The following MAML2 variants were observed in gnomAD, a reference collection of about 807,000 sequenced individuals.
MAML2 encodes mastermind like transcriptional coactivator 2, also known as mastermind-like protein 2.
A neutral mutation model predicts 96.1 loss-of-function variants in MAML2; 22 were observed. That is an observed-to-expected ratio of 0.23 (90% CI 0.16 to 0.33). MAML2 has a LOEUF of 0.33. MAML2 is among the 10% of genes least tolerant of loss of function. MAML2 has a pLI of 1.00. For missense variants in MAML2, 1,367 were observed against 1,392.4 expected (o/e 0.98, Z 0.29); for synonymous variants, 561 against 521.3 (o/e 1.08, Z -1.04).
chr11:96,093,253 T>A lies in MAML2; in HGVS notation c.778A>T (p.Met260Leu), dbSNP rs373471964. 1 of 1,614,030 alleles carries A rather than the reference T, an allele frequency of 6.2e-7. No individual in the cohort carries two copies. The highest frequency in any genetic ancestry group is 2.2e-5 in the East Asian group (1 of 44,880). The change falls in exon 2 of 5, where the codon ATG becomes TTG. Residue 260 changes from methionine to leucine, a missense_variant. Physicochemically the swap from Met to Leu is conservative, Grantham distance 15 (BLOSUM62 2). Transcript: ENST00000524717. ...TCCTTCTTTACCTCCTTTAAGCCCATGTTAAACAGGCCATTGCCAGGAGAA... is the reference window on the plus strand; with the variant it reads ...TCCTTCTTTACCTCCTTTAAGCCCAAGTTAAACAGGCCATTGCCAGGAGAA... Reference protein sequence around the residue: ...THSPGNGLFNMGLKEVKKEPG... With the variant: ...THSPGNGLFNLGLKEVKKEPG...
At chr11:96,281,514 C>A (rs1342143703) in intron 1 of MAML2, among the ~76,000 whole-genome samples, 2 of 151,984 alleles carry the variant, frequency 1.3e-5, no homozygotes, top group Non-Finnish European at 2.9e-5. Flanking sequence ...TAGTGGGAGG[C>A]ACTGGTTGAG....
chr11:96,264,847 G>A (rs1306373947), intron 1 of MAML2, among the ~76,000 whole-genome samples: 7 of 152,030 alleles, frequency 4.6e-5, no homozygotes, highest in African/African-American at 1.7e-4. Context: ...ATCTTATTTC[G>A]GCATAGGGTA....
Position 96,319,209 on chromosome 11 carries a change from A to C in MAML2, c.513+22174T>G, listed in dbSNP as rs185147001. Among the ~76,000 whole-genome samples, 391 of 152,296 alleles carry C rather than the reference A, an allele frequency of 2.6e-3. 2 individuals carry two copies. The highest frequency in any genetic ancestry group is 4.4e-3 in the Non-Finnish European group (296 of 68,012). ...CAGTGAGGAATTGAGATTTTCTCCC[A>C]ACAGCCATGGGAGTGAACTTGGAAG... is the stretch of plus-strand genomic sequence containing the variant. On this transcript the variant is annotated intron_variant, in intron 1 of 4. Coordinates refer to ENST00000524717, the MANE Select transcript of MAML2 (RefSeq NM_032427.4).
intron 2 of MAML2, among the ~76,000 whole-genome samples, chr11:96,068,796 C>A (rs1859289853): frequency 6.7e-6 from 1 of 149,054 alleles, no homozygotes; most frequent in African/African-American, 2.5e-5. Context: ...CGCCATTGCA[C>A]TCCAGCCTGG....
At chr11:96,200,479 C>T (rs935992987) in intron 1 of MAML2, among the ~76,000 whole-genome samples, 2 of 152,154 alleles carry the variant, frequency 1.3e-5, no homozygotes, top group African/African-American at 4.8e-5. Context: ...CTCCTGGGAC[C>T]TATCCTGTGC....
At chr11:95,994,838 T>G (rs1483978248) in intron 2 of MAML2, among the ~76,000 whole-genome samples, 2 of 152,226 alleles carry the variant, frequency 1.3e-5, no homozygotes, top group Non-Finnish European at 2.9e-5. Flanking sequence ...TTTCTTTTCA[T>G]CTTCTTTGCA....
In MAML2 at chr11:95,985,538, C is replaced by A; in HGVS notation, c.2448G>T (p.Gln816His). Reference protein sequence around the residue: ...RNVGNMQPTAQYSGGSSTISL... With the variant: ...RNVGNMQPTAHYSGGSSTISL... The stretch of plus-strand genomic sequence containing the variant: ...ATTTTTAAGAACACTTACCAGAATA[C>A]TGAGCAGTTGGTTGCATATTGCCCA... Residue 816 changes from glutamine (Q) to histidine (H), a missense_variant, in exon 4 of 5, where the codon CAG (glutamine) becomes CAT (histidine). Gln to His is a conservative substitution (Grantham distance 24, BLOSUM62 0). Transcript: ENST00000524717. 1.3e-6 allele frequency: 2 copies of A among 1,592,790 alleles called. No homozygotes were observed. Among genetic ancestry groups the A allele is most frequent in the Non-Finnish European group, 1.7e-6 (2 of 1,163,534 alleles).
intron 2 of MAML2, among the ~76,000 whole-genome samples, chr11:96,033,623 T>A (rs986696849): frequency 1.3e-5 from 2 of 152,220 alleles, no homozygotes; most frequent in African/African-American, 4.8e-5. Context: ...AATTTTGTTT[T>A]GGATGGTGCA....
intron 1 of MAML2, among the ~76,000 whole-genome samples, chr11:96,232,084 T>A (rs1862301318): frequency 6.6e-6 from 1 of 152,160 alleles, no homozygotes. Flanking sequence ...TGTAGTAACA[T>A]GTGGTATCCT....
At chr11:96,222,646 G>A (rs1476168906) in intron 1 of MAML2, among the ~76,000 whole-genome samples, 3 of 152,064 alleles carry the variant, frequency 2.0e-5, no homozygotes, top group African/African-American at 7.2e-5. Flanking sequence ...GTTCTAATTC[G>A]ATGCTCCAGA....
At position 96,051,602 on chromosome 11, in the gene MAML2, G is replaced by A. The variant is rs576574134; in HGVS notation, c.2139+40290C>T. ...CCTCAACTAGTGTGTTATTTAGTGT[G>A]ATGTGCAACTAAATAGAGGTTCACA... On this transcript the variant is annotated intron_variant, in intron 2 of 4. Transcript: ENST00000524717. Among the ~76,000 whole-genome samples, 3 of 152,226 alleles carry A rather than the reference G, an allele frequency of 2.0e-5. No homozygotes were observed. In the South Asian group the frequency reaches 6.2e-4, roughly 32 times the overall value.
At chr11:96,214,656 C>T (rs939282032) in intron 1 of MAML2, among the ~76,000 whole-genome samples, 2 of 152,134 alleles carry the variant, frequency 1.3e-5, no homozygotes, top group Non-Finnish European at 2.9e-5. Flanking sequence ...TATAGTCATG[C>T]GAAATACACC....
intron 1 of MAML2, among the ~76,000 whole-genome samples, chr11:96,287,973 G>A (rs990313283): frequency 6.6e-6 from 1 of 152,090 alleles, no homozygotes; most frequent in East Asian, 1.9e-4. Flanking sequence ...ATCCCAAAAG[G>A]GCCCTACATA....
At position 96,008,041 on chromosome 11, in the gene MAML2, T is replaced by A. The variant is rs905095009; in HGVS notation, c.2140-16318A>T. On this transcript the variant is annotated intron_variant, in intron 2 of 4. Coordinates refer to ENST00000524717, the MANE Select transcript of MAML2 (RefSeq NM_032427.4). ...TAAAGTATAAAAAAAAAAAAAAAATTTTTCAGTGAAATGACGAATATCAAT... is the reference window on the plus strand; with the variant it reads ...TAAAGTATAAAAAAAAAAAAAAAATATTTCAGTGAAATGACGAATATCAAT... 5.1e-3 allele frequency among the ~76,000 whole-genome samples: 151 copies of A among 29,512 alleles called. 1 individual carries two copies. Among genetic ancestry groups the A allele is most frequent in the African/African-American group, 0.025 (145 of 5,734 alleles). The allele number at this position is 29,512 out of a possible 152,430, so 19.4% of individuals were successfully genotyped here.
At chr11:95,990,140 TTACTTTTTA>T (rs1427101318) in intron 3 of MAML2, among the ~76,000 whole-genome samples, 5 of 152,298 alleles carry the variant, frequency 3.3e-5, no homozygotes, top group African/African-American at 1.2e-4. Flanking sequence ...ACATTTTCTC[TTACTTTTTA>T]TACTTTTTAC....
chr11:96,254,767 C>G (rs1862637899), intron 1 of MAML2, among the ~76,000 whole-genome samples: 1 of 152,114 alleles, frequency 6.6e-6, no homozygotes, highest in Admixed American at 6.5e-5. Flanking sequence ...TGCAATGTAA[C>G]AAAATGGAAT....
intron 1 of MAML2, among the ~76,000 whole-genome samples, chr11:96,224,560 T>A (rs1363353012): frequency 6.6e-6 from 1 of 152,238 alleles, no homozygotes; most frequent in South Asian, 2.1e-4. Context: ...CTTCTCCTTG[T>A]GCCCCCATAA....
At chr11:96,214,801 A>C (rs935172945) in intron 1 of MAML2, among the ~76,000 whole-genome samples, 12 of 152,194 alleles carry the variant, frequency 7.9e-5, no homozygotes, top group Admixed American at 6.5e-4. Flanking sequence ...AAACTATAGA[A>C]AGTCACCCTT....
intron 2 of MAML2, among the ~76,000 whole-genome samples, chr11:96,024,686 G>A (rs551902822): frequency 6.1e-4 from 93 of 152,126 alleles, no homozygotes; most frequent in Non-Finnish European, 1.1e-3. Context: ...CCAGCCCTGT[G>A]CCTAAGGATC....
Sources: allele counts gnomAD v4.1 joint callset (sites outside exome capture counted in the v4.1 genomes callset), GRCh38; gene constraint gnomAD v4.1.1; transcripts MANE v1.5; gene names NCBI Gene and HGNC (gene_info 2026-07-23, HGNC 2026-07-21).